The following KATNIP variants were observed in gnomAD, a reference collection of about 807,000 sequenced individuals.
KATNIP encodes the protein katanin interacting protein.
In KATNIP, 126 loss-of-function variants were observed where a neutral mutation model predicts 174.0. The observed-to-expected ratio is 0.72, with a 90% CI of 0.63 to 0.84. The LOEUF is 0.84. KATNIP is among the 40% of genes least tolerant of loss of function. KATNIP has a pLI of 0.00. For missense variants in KATNIP, 1,958 were observed against 2,109.7 expected (o/e 0.93, Z 1.41); for synonymous variants, 810 against 835.7 (o/e 0.97, Z 0.53).
chr16:27,641,634 C>T (rs1451545263), intron 5 of KATNIP, among the ~76,000 whole-genome samples: 1 of 152,212 alleles, frequency 6.6e-6, no homozygotes, highest in Non-Finnish European at 1.5e-5. Context: ...CAACGGCTTC[C>T]ACCACAAAGC....
intron 1 of KATNIP, among the ~76,000 whole-genome samples, chr16:27,563,508 G>A (rs1290531064): frequency 6.6e-6 from 1 of 151,696 alleles, no homozygotes; most frequent in Admixed American, 6.6e-5. Context: ...ATAGAGCAAG[G>A]TTCCTTCTCT....
At chr16:27,737,336 C>T (rs973026303) in intron 14 of KATNIP, among the ~76,000 whole-genome samples, 1 of 152,102 alleles carries the variant, frequency 6.6e-6, no homozygotes, top group Non-Finnish European at 1.5e-5. Flanking sequence ...GAACCCTGAT[C>T]GAGCCACTGT....
intron 6 of KATNIP, among the ~76,000 whole-genome samples, chr16:27,655,207 T>TGG (rs2077235948): frequency 8.3e-6 from 1 of 120,338 alleles, no homozygotes; most frequent in African/African-American, 3.6e-5. Flanking sequence ...TATATATATA[T>TGG]ATATATATAT....
chr16:27,762,445 C>T (rs1331846705), intron 19 of KATNIP, among the ~76,000 whole-genome samples: 3 of 152,146 alleles, frequency 2.0e-5, no homozygotes, highest in African/African-American at 7.2e-5. Context: ...CCATTATGAG[C>T]CCTACTATAC....
intron 1 of KATNIP, among the ~76,000 whole-genome samples, chr16:27,565,782 T>TA (rs1057141079): frequency 4.2e-5 from 5 of 117,662 alleles, no homozygotes; most frequent in South Asian, 2.6e-4. Flanking sequence ...AGATGTCTCA[T>TA]AAAAAAAACA....
intron 5 of KATNIP, among the ~76,000 whole-genome samples, chr16:27,646,182 C>T (rs1269659685): frequency 1.3e-5 from 2 of 152,194 alleles, no homozygotes; most frequent in Admixed American, 6.5e-5. Context: ...CAGTGGGGCT[C>T]GCTTCAGGTG....
intron 2 of KATNIP, among the ~76,000 whole-genome samples, chr16:27,578,263 G>T (rs1021865718): frequency 1.3e-5 from 2 of 151,970 alleles, no homozygotes; most frequent in African/African-American, 4.8e-5. Context: ...AACCCAGGAG[G>T]TAGAGGCTGC....
intron 6 of KATNIP, among the ~76,000 whole-genome samples, chr16:27,663,288 C>T (rs1222423740): frequency 6.6e-6 from 1 of 150,530 alleles, no homozygotes; most frequent in Non-Finnish European, 1.5e-5. Context: ...TGACCCACCA[C>T]ACCTGGCCCA....
At chr16:27,620,592 G>A (rs551279997) in intron 3 of KATNIP, among the ~76,000 whole-genome samples, 1 of 152,332 alleles carries the variant, frequency 6.6e-6, no homozygotes, top group South Asian at 2.1e-4. Flanking sequence ...CCTATGTTAA[G>A]TGAGGAGGGG....
At chr16:27,758,717 C>A (rs527817727) in intron 18 of KATNIP, among the ~76,000 whole-genome samples, 202 of 152,288 alleles carry the variant, frequency 1.3e-3, no homozygotes, top group African/African-American at 4.6e-3. Flanking sequence ...ATGATAGGTT[C>A]CTTCTCAGCA....
chr16:27,645,693 T>C (rs1368827995), intron 5 of KATNIP, among the ~76,000 whole-genome samples: 1 of 152,186 alleles, frequency 6.6e-6, no homozygotes, highest in African/African-American at 2.4e-5. Context: ...TTCTTCCTCA[T>C]TCTCACAAGA....
At chr16:27,761,372 G>A (rs1343869274) in intron 18 of KATNIP, 41 bp from the exon 19 acceptor site, 2 of 1,559,890 alleles carry the variant, frequency 1.3e-6, no homozygotes, top group Non-Finnish European at 1.7e-6. Flanking sequence ...GCCTCCTCTG[G>A]AGCCTCTGGT....
At position 27,740,510 on chromosome 16, in the gene KATNIP, A is replaced by C. The variant is rs199708748; in HGVS notation, c.2213A>C (p.Asn738Thr). The change falls in exon 15 of 28, where the codon AAC becomes ACC. Residue 738 changes from asparagine to threonine, a missense_variant. Asn to Thr is a moderately conservative substitution (Grantham distance 65). Around this residue, in one of 3 missense-constraint regions of KATNIP, gnomAD observed 1,557 missense variants for 1,617.8 expected, o/e 0.96. Transcript: ENST00000261588. Reference protein sequence around the residue: ...EEPSLIQQLENLMGRKICEPP... With the variant: ...EEPSLIQQLETLMGRKICEPP... ...CCCTCTCTCATCCAACAACTGGAAA[A>C]CCTCATGGGCAGAAAAATCTGTGAG... is the stretch of plus-strand genomic sequence containing the variant. 1.4e-5 allele frequency: 22 copies of C among 1,613,862 alleles called. No individual in the cohort carries two copies. The highest frequency in any genetic ancestry group is 1.8e-5 in the Non-Finnish European group (21 of 1,179,988).
intron 8 of KATNIP, among the ~76,000 whole-genome samples, chr16:27,691,472 T>TA (rs2078731341): frequency 6.6e-6 from 1 of 152,236 alleles, no homozygotes; most frequent in African/African-American, 2.4e-5. Context: ...GTGATGGGAA[T>TA]AAATCCACCA....
chr16:27,565,589 C>T (rs2090053919), intron 1 of KATNIP, among the ~76,000 whole-genome samples: 3 of 152,000 alleles, frequency 2.0e-5, no homozygotes, highest in South Asian at 4.1e-4. Context: ...AGTTTGAGCC[C>T]AGCGTGGGCA....
chr16:27,734,611 C>T (rs1349196669), intron 14 of KATNIP, among the ~76,000 whole-genome samples: 3 of 152,178 alleles, frequency 2.0e-5, no homozygotes, highest in Non-Finnish European at 1.5e-5. Flanking sequence ...GCACGAGAAT[C>T]GCTTGAACCT....
intron 2 of KATNIP, among the ~76,000 whole-genome samples, chr16:27,611,541 G>C (rs886397342): frequency 6.6e-6 from 1 of 152,218 alleles, no homozygotes; most frequent in Non-Finnish European, 1.5e-5. Flanking sequence ...AGGCCTCTAG[G>C]CACTCAGGCG....
chr16:27,699,911 A>T (rs989024082), intron 10 of KATNIP, among the ~76,000 whole-genome samples: 3 of 151,384 alleles, frequency 2.0e-5, no homozygotes, highest in Non-Finnish European at 4.4e-5. Context: ...TTTTTATTTT[A>T]TTTATTTTTT....
intron 8 of KATNIP, among the ~76,000 whole-genome samples, chr16:27,690,867 A>G (rs1412258746): frequency 1.3e-5 from 2 of 152,178 alleles, no homozygotes; most frequent in Non-Finnish European, 2.9e-5. Context: ...GTTCCCACAT[A>G]TGAATACTGT....
Sources: allele counts gnomAD v4.1 joint callset (sites outside exome capture counted in the v4.1 genomes callset), GRCh38; gene constraint gnomAD v4.1.1; regional missense constraint gnomAD v4.1.1; transcripts MANE v1.5; gene names NCBI Gene and HGNC (gene_info 2026-07-23, HGNC 2026-07-21).